Variants in METTL25 observed in about 807,000 individuals in gnomAD.
METTL25 encodes the protein methyltransferase like 25.
Under a neutral mutation model 71.6 loss-of-function variants are expected in METTL25, and 64 were observed. The observed-to-expected ratio is 0.89, with a 90% CI of 0.73 to 1.10. METTL25 has a LOEUF of 1.10. METTL25 is among the 50% of genes least tolerant of loss of function. The probability of loss-of-function intolerance (pLI) is 0.00; values close to 1 mark genes in which losing one functional copy is unlikely to be tolerated. For synonymous variants in METTL25, 287 were observed against 250.3 expected, an observed-to-expected ratio of 1.15 and a Z score of -1.38; for missense variants, 807 against 707.0, an observed-to-expected ratio of 1.14 and a Z score of -1.60.
intron 6 of METTL25, among the ~76,000 whole-genome samples, chr12:82,434,039 A>C (rs1413991335): frequency 6.6e-6 from 1 of 151,136 alleles, no homozygotes; most frequent in Non-Finnish European, 1.5e-5. Context: ...AATGTTAGGA[A>C]ATATTTTGTA....
chr12:82,416,348 C>A (rs576900240), intron 5 of METTL25, among the ~76,000 whole-genome samples: 7 of 151,510 alleles, frequency 4.6e-5, no homozygotes, highest in East Asian at 3.9e-4. Flanking sequence ...TATTATTATT[C>A]TTCTGGTTAT....
intron 1 of METTL25, among the ~76,000 whole-genome samples, chr12:82,359,685 A>G (rs1006453109): frequency 6.6e-6 from 1 of 152,124 alleles, no homozygotes; most frequent in African/African-American, 2.4e-5. Flanking sequence ...TGTGTCTTGA[A>G]TTTTTGTAGG....
intron 9 of METTL25, among the ~76,000 whole-genome samples, chr12:82,464,169 C>G (rs1892080589): frequency 6.6e-6 from 1 of 151,672 alleles, no homozygotes. Flanking sequence ...TGAGGTCTTA[C>G]TCAAAAATAT....
At chr12:82,478,316 GA>G (rs1220796823) in intron 11 of METTL25, among the ~76,000 whole-genome samples, 2 of 151,654 alleles carry the variant, frequency 1.3e-5, no homozygotes, top group Non-Finnish European at 3.0e-5. Flanking sequence ...AGAAATTATA[GA>G]AATGTTATTT....
chr12:82,364,558 A>G (rs370402949), intron 1 of METTL25, among the ~76,000 whole-genome samples: 2 of 152,240 alleles, frequency 1.3e-5, no homozygotes, highest in East Asian at 1.9e-4. Flanking sequence ...AAGGTCAGCT[A>G]TGAGCTGACA....
At chr12:82,377,032 G>T (rs1245804234) in intron 1 of METTL25, among the ~76,000 whole-genome samples, 1 of 151,838 alleles carries the variant, frequency 6.6e-6, no homozygotes, top group Admixed American at 6.6e-5. Context: ...AGACTCTCTT[G>T]AACCCAGGAG....
At chr12:82,437,460 A>G (rs540931532) in intron 7 of METTL25, among the ~76,000 whole-genome samples, 226 of 151,702 alleles carry the variant, frequency 1.5e-3, no homozygotes, top group African/African-American at 5.2e-3. Context: ...CATCAGGGGA[A>G]GATGTAAGGA....
chr12:82,472,248 T>C (rs186540257), intron 9 of METTL25, among the ~76,000 whole-genome samples: 2 of 152,328 alleles, frequency 1.3e-5, no homozygotes, highest in African/African-American at 4.8e-5. Flanking sequence ...AGTGGTTGTC[T>C]AGGTTCATTT....
chr12:82,457,892 TA>T (rs917303224), intron 9 of METTL25, among the ~76,000 whole-genome samples: 1 of 151,858 alleles, frequency 6.6e-6, no homozygotes, highest in East Asian at 1.9e-4. Context: ...TAGGTTATTT[TA>T]AAAAAAATGT....
chr12:82,472,077 C>A (rs1892602523), intron 9 of METTL25, among the ~76,000 whole-genome samples: 1 of 152,010 alleles, frequency 6.6e-6, no homozygotes, highest in Non-Finnish European at 1.5e-5. Flanking sequence ...ATTCCATTAC[C>A]TACAATCTGT....
At chr12:82,395,887 G>A (rs916830889) in intron 3 of METTL25, among the ~76,000 whole-genome samples, 1 of 151,988 alleles carries the variant, frequency 6.6e-6, no homozygotes, top group Non-Finnish European at 1.5e-5. Flanking sequence ...AAATAATAGA[G>A]TTTCTACTAT....
chr12:82,439,011 T>C, intron 8 of METTL25: 1 of 326,710 alleles, frequency 3.1e-6, no homozygotes, highest in Non-Finnish European at 5.5e-6. Flanking sequence ...CTTGTTGTAA[T>C]GATAAAATAA....
intron 1 of METTL25, among the ~76,000 whole-genome samples, chr12:82,361,207 C>G (rs73149597): frequency 0.062 from 9,442 of 152,248 alleles, 344 homozygotes; most frequent in Middle Eastern, 0.12. Context: ...CTAGTCCCCA[C>G]TAGATCAGCT....
intron 6 of METTL25, among the ~76,000 whole-genome samples, chr12:82,432,007 A>G (rs1157681995): frequency 1.3e-5 from 2 of 151,728 alleles, no homozygotes; most frequent in Non-Finnish European, 3.0e-5. Context: ...CTTTTGCACT[A>G]TTGCAAAGTT....
chr12:82,430,163 T>G (rs1405502736), intron 5 of METTL25, among the ~76,000 whole-genome samples: 1 of 151,230 alleles, frequency 6.6e-6, no homozygotes, highest in Non-Finnish European at 1.5e-5. Flanking sequence ...TTCCAGGTCT[T>G]AATTTAAAAT....
At chr12:82,469,948 C>T (rs769636098) in intron 9 of METTL25, among the ~76,000 whole-genome samples, 1 of 152,150 alleles carries the variant, frequency 6.6e-6, no homozygotes, top group Non-Finnish European at 1.5e-5. Context: ...ATATAGTTCT[C>T]ATTTTTTATG....
At chr12:82,472,381 G>A (rs1009429457) in intron 9 of METTL25, among the ~76,000 whole-genome samples, 9 of 152,118 alleles carry the variant, frequency 5.9e-5, no homozygotes, top group Admixed American at 2.0e-4. Context: ...GGCAGATCAC[G>A]AGGTCAGGAG....
At chr12:82,436,845 C>T (rs908633580) in intron 7 of METTL25, among the ~76,000 whole-genome samples, 2 of 151,492 alleles carry the variant, frequency 1.3e-5, no homozygotes, top group African/African-American at 4.8e-5. Flanking sequence ...CCTATTATAG[C>T]TAGTCAAACC....
intron 1 of METTL25, among the ~76,000 whole-genome samples, chr12:82,382,771 A>G (rs1174262680): frequency 5.9e-5 from 9 of 152,054 alleles, no homozygotes; most frequent in Non-Finnish European, 1.0e-4. Flanking sequence ...GCTGGAGTGC[A>G]GTGTCATGAT....
Sources: gnomAD v4.1 joint callset for allele counts (sites outside exome capture counted in the v4.1 genomes callset) on GRCh38, gnomAD v4.1.1 for gene constraint, MANE v1.5 for transcripts, NCBI Gene and HGNC (gene_info 2026-07-23, HGNC 2026-07-21) for gene names.